FEZ2: variants seen among roughly 807,000 people sequenced by gnomAD.
The protein encoded by FEZ2 is fasciculation and elongation protein zeta 2, also known as fasciculation and elongation protein zeta-2.
Under a neutral mutation model 40.4 loss-of-function variants are expected in FEZ2, and 51 were observed. That is an observed-to-expected ratio of 1.26 (90% CI 1.01 to 1.59). The LOEUF is 1.59. Ranked by LOEUF, FEZ2 falls within the 40% of genes most tolerant of loss-of-function variation. The pLI is 0.00. For synonymous variants in FEZ2, 242 were observed against 172.0 expected (o/e 1.41, Z -3.18); for missense variants, 640 against 438.3 (o/e 1.46, Z -4.11).
At chr2:36,565,108 TC>T (rs1668200188) in intron 5 of FEZ2, among the ~76,000 whole-genome samples, 1 of 152,180 alleles carries the variant, frequency 6.6e-6, no homozygotes, top group South Asian at 2.1e-4. Flanking sequence ...TGACCCTAAC[TC>T]CTCCCTTCTT....
chr2:36,573,450 A>C, intron 5 of FEZ2, among the ~76,000 whole-genome samples: 1 of 152,236 alleles, frequency 6.6e-6, no homozygotes, highest in South Asian at 2.1e-4. Flanking sequence ...ATGTAACAGA[A>C]GCCTGGCTCC....
intron 5 of FEZ2, among the ~76,000 whole-genome samples, chr2:36,567,990 T>C (rs1668295977): frequency 6.6e-6 from 1 of 152,148 alleles, no homozygotes; most frequent in Non-Finnish European, 1.5e-5. Context: ...TTTAAAAAGA[T>C]AAAACCTCAG....
intron 2 of FEZ2, among the ~76,000 whole-genome samples, chr2:36,587,266 C>T (rs1041892746): frequency 6.6e-6 from 1 of 152,150 alleles, no homozygotes; most frequent in Non-Finnish European, 1.5e-5. Flanking sequence ...AAGTCCATTC[C>T]CCACAGAGAT....
intron 5 of FEZ2, among the ~76,000 whole-genome samples, chr2:36,575,508 C>T (rs1448101928): frequency 1.3e-5 from 2 of 151,772 alleles, no homozygotes; most frequent in African/African-American, 4.8e-5. Context: ...GAACACCTGC[C>T]ACAGGAAAGC....
At chr2:36,556,197 G>A (rs1302210493) in intron 6 of FEZ2, 4 of 308,554 alleles carry the variant, frequency 1.3e-5, no homozygotes, top group Admixed American at 4.9e-5. Context: ...TCCAACAAGC[G>A]TATCCTGTCA....
rs1185197264 is a variant in FEZ2 at position 36,581,379 on chromosome 2, T to C, written c.545A>G (p.Asp182Gly). 2 of 1,613,376 alleles carry C rather than the reference T, an allele frequency of 1.2e-6. No individual in the cohort carries two copies. Among genetic ancestry groups the C allele is most frequent in the African/African-American group, 1.3e-5 (1 of 75,026 alleles). Reference protein sequence around the residue: ...MMQESPDPEDDETPTQSDRLS... With the variant: ...MMQESPDPEDGETPTQSDRLS... ...CCGATCTGACTGTGTAGGGGTTTCATCATCTTCTGGGTCCGGTGATTCCTG... is the reference window on the plus strand; with the variant it reads ...CCGATCTGACTGTGTAGGGGTTTCACCATCTTCTGGGTCCGGTGATTCCTG... The change falls in exon 4 of 8, where the codon GAT (aspartate) becomes GGT (glycine). Residue 182 changes from aspartate to glycine, a missense_variant. Physicochemically the swap from Asp to Gly is moderately conservative, Grantham distance 94 (BLOSUM62 -1). Coordinates refer to ENST00000405912, the MANE Select transcript of FEZ2 (RefSeq NM_005102.3).
rs1282732955 is a variant in FEZ2, at chr2:36,578,705, T to G, written c.795A>C (p.Glu265Asp). 6.2e-7 allele frequency: 1 copy of G among 1,613,912 alleles called. No homozygotes were observed. Among genetic ancestry groups the G allele is most frequent in the Non-Finnish European group, 8.5e-7 (1 of 1,179,900 alleles). The change falls in exon 5 of 8, where the codon GAA (glutamate) becomes GAC (aspartate). Residue 265 changes from glutamate (E) to aspartate (D), a missense_variant. Physicochemically the swap from Glu to Asp is conservative, Grantham distance 45. Coordinates refer to ENST00000405912, the MANE Select transcript of FEZ2 (RefSeq NM_005102.3). Reference protein sequence around the residue: ...VKNSFISVLIEVQNKQKEHKE... With the variant: ...VKNSFISVLIDVQNKQKEHKE... ...TGTGCTCTTTCTGTTTGTTTTGCAC[T>G]TCAATAAGAACAGAAATAAAGCTGT... is the stretch of plus-strand genomic sequence containing the variant.
At chr2:36,595,136 T>C (rs1273843066) in intron 1 of FEZ2, among the ~76,000 whole-genome samples, 2 of 152,160 alleles carry the variant, frequency 1.3e-5, no homozygotes, top group Non-Finnish European at 2.9e-5. Context: ...ACAATCCATA[T>C]TTAACCAAAA....
chr2:36,583,931 T>C (rs144320055), intron 2 of FEZ2: 334 of 153,884 alleles, frequency 2.2e-3, no homozygotes, highest in Non-Finnish European at 4.0e-3. Context: ...AGCGTCACAC[T>C]TAGCCCTTCC....
chr2:36,577,335 G>A lies in FEZ2; in HGVS notation c.903+1262C>T, dbSNP rs192253381. On this transcript the variant is annotated intron_variant, in intron 5 of 7. Coordinates refer to ENST00000405912, the MANE Select transcript of FEZ2 (RefSeq NM_005102.3). Reference sequence around the variant, plus strand: ...GGCAATGGCACGATCTTGGCTCACCGCAATCTCCGCCTCCTGGGTTCAAGC... The same window carrying A: ...GGCAATGGCACGATCTTGGCTCACCACAATCTCCGCCTCCTGGGTTCAAGC... Among the ~76,000 whole-genome samples, 246 of 151,448 alleles carry A rather than the reference G, an allele frequency of 1.6e-3. 1 individual carries two copies. The highest frequency in any genetic ancestry group is 5.6e-3 in the African/African-American group (229 of 41,252).
chr2:36,586,868 C>T (rs1257827166), intron 2 of FEZ2, among the ~76,000 whole-genome samples: 2 of 152,170 alleles, frequency 1.3e-5, no homozygotes, highest in Admixed American at 6.5e-5. Flanking sequence ...ATCGCTTAAG[C>T]CCAGGAGTTG....
At chr2:36,570,766 T>C (rs984521143) in intron 5 of FEZ2, among the ~76,000 whole-genome samples, 13 of 152,348 alleles carry the variant, frequency 8.5e-5, no homozygotes, top group Non-Finnish European at 1.3e-4. Context: ...TGGTAAGTAT[T>C]TGTGTATCTA....
chr2:36,595,620 C>T (rs1184298802), intron 1 of FEZ2, among the ~76,000 whole-genome samples: 3 of 152,154 alleles, frequency 2.0e-5, no homozygotes, highest in Non-Finnish European at 2.9e-5. Context: ...GGGTTGGGGA[C>T]CCCTTGACCT....
chr2:36,584,828 A>C (rs1668856504), intron 2 of FEZ2, among the ~76,000 whole-genome samples: 1 of 152,226 alleles, frequency 6.6e-6, no homozygotes, highest in South Asian at 2.1e-4. Context: ...CACAGCCTAC[A>C]GAGTAAGAAA....
At chr2:36,563,889 T>TA (rs1462443931) in intron 5 of FEZ2, among the ~76,000 whole-genome samples, 1 of 152,186 alleles carries the variant, frequency 6.6e-6, no homozygotes, top group Non-Finnish European at 1.5e-5. Context: ...TCCTGCTCTC[T>TA]AGTTGCTTCT....
At chr2:36,571,307 A>C (rs189669092) in intron 5 of FEZ2, among the ~76,000 whole-genome samples, 6 of 152,238 alleles carry the variant, frequency 3.9e-5, no homozygotes, top group African/African-American at 1.2e-4. Flanking sequence ...AAATGCAGCA[A>C]GATACTATCA....
intron 2 of FEZ2, among the ~76,000 whole-genome samples, chr2:36,588,817 C>T (rs927353631): frequency 6.6e-6 from 1 of 151,426 alleles, no homozygotes; most frequent in African/African-American, 2.4e-5. Flanking sequence ...TTGGCTAAAG[C>T]AGCAGATGTG....
At chr2:36,591,169 T>A (rs146488090) in intron 1 of FEZ2, 158 bp from the exon 2 acceptor site, 1 of 610,908 alleles carries the variant, frequency 1.6e-6, no homozygotes, top group African/African-American at 1.9e-5. Flanking sequence ...TAGAGTCTCC[T>A]AAACAAAAAC....
intron 5 of FEZ2, chr2:36,559,072 G>A (rs1370270034): frequency 6.6e-6 from 1 of 152,070 alleles, no homozygotes. Flanking sequence ...TTAGAAATGC[G>A]TTACTATTAT....
Sources: allele counts gnomAD v4.1 joint callset (sites outside exome capture counted in the v4.1 genomes callset), GRCh38; gene constraint gnomAD v4.1.1; transcripts MANE v1.5; gene names NCBI Gene and HGNC (gene_info 2026-07-23, HGNC 2026-07-21).